Variants in CSN1S1 observed in about 807,000 individuals in gnomAD.
CSN1S1 encodes alpha-S1-casein.
A neutral mutation model predicts 49.1 loss-of-function variants in CSN1S1; 63 were observed. That is an observed-to-expected ratio of 1.28 (90% CI 1.05 to 1.58). CSN1S1 has a LOEUF of 1.58. Among genes scored for constraint, CSN1S1 ranks in the 40% most tolerant of loss-of-function variants. The pLI is 0.00. For synonymous variants in CSN1S1, 78 were observed against 67.1 expected (o/e 1.16, Z -0.79); for missense variants, 260 against 224.7 (o/e 1.16, Z -1.01).
intron 3 of CSN1S1, 60 bp downstream of exon 3, chr4:69,934,304 T>C: frequency 1.3e-6 from 2 of 1,492,094 alleles, no homozygotes; most frequent in Non-Finnish European, 1.9e-6. Context: ...AAACTCCAAA[T>C]GTGCGCTTCC....
At chr4:69,941,200 C>T (rs1296295256) in intron 12 of CSN1S1, 140 bp downstream of exon 12, 1 of 457,144 alleles carries the variant, frequency 2.2e-6, no homozygotes, top group Non-Finnish European at 3.9e-6. Context: ...CAATAATTGG[C>T]AAGTTATTTG....
chr4:69,944,626 A>G (rs1182986102), intron 14 of CSN1S1, among the ~76,000 whole-genome samples: 1 of 151,950 alleles, frequency 6.6e-6, no homozygotes, highest in African/African-American at 2.4e-5. Flanking sequence ...AAAAAAAGTG[A>G]TTTATTCATT....
At chr4:69,933,554 A>G (rs1276266429) in intron 2 of CSN1S1, among the ~76,000 whole-genome samples, 2 of 152,004 alleles carry the variant, frequency 1.3e-5, no homozygotes, top group Non-Finnish European at 2.9e-5. Context: ...TTACCAAAAC[A>G]ATGATAAAAC....
intron 12 of CSN1S1, 89 bp downstream of exon 12, chr4:69,941,149 ATTT>A: frequency 1.7e-6 from 1 of 599,730 alleles, no homozygotes; most frequent in East Asian, 3.4e-5. Context: ...TTCTAAATAT[ATTT>A]TTATTTTTCT....
chr4:69,941,018 G>A lies in CSN1S1; in HGVS notation c.301-1G>A, dbSNP rs1207375817. On this transcript the variant is annotated splice_acceptor_variant, in intron 11 of 15. Coordinates refer to ENST00000246891, the MANE Select transcript of CSN1S1 (RefSeq NM_001890.2). LOFTEE classifies it high-confidence loss of function. ...TTGAGAATATTTTTCTTTTTAAATA[G>A]GAACAGTTTTGTAGACTGAACGAAT... 1 of 1,500,192 alleles carries A rather than the reference G, an allele frequency of 6.7e-7. No homozygotes were observed. Among genetic ancestry groups the A allele is most frequent in the Non-Finnish European group, 9.1e-7 (1 of 1,099,060 alleles). 92.9% of individuals were successfully genotyped at this position (1,500,192 alleles called of 1,614,324 possible).
intron 9 of CSN1S1, among the ~76,000 whole-genome samples, chr4:69,938,967 C>T (rs1018731944): frequency 6.6e-6 from 1 of 151,410 alleles, no homozygotes; most frequent in African/African-American, 2.4e-5. Flanking sequence ...TTTTATGTTC[C>T]CAGATAAGTT....
intron 3 of CSN1S1, 84 bp from the exon 4 acceptor site, chr4:69,934,606 C>T: frequency 7.8e-7 from 1 of 1,288,798 alleles, no homozygotes. Context: ...GTTACCTCTA[C>T]CACAACTTTC....
At chr4:69,934,107 T>A in intron 2 of CSN1S1, 105 bp from the exon 3 acceptor site, 1 of 767,084 alleles carries the variant, frequency 1.3e-6, no homozygotes, top group East Asian at 3.0e-5. Context: ...ACATACCTTT[T>A]GAAAATGGCA....
intron 15 of CSN1S1, 97 bp from the exon 16 acceptor site, chr4:69,946,099 G>T: frequency 8.1e-6 from 3 of 370,852 alleles, no homozygotes; most frequent in South Asian, 8.0e-5. Context: ...TGTCTAATAC[G>T]AAGAGAAAAT....
chr4:69,939,960 A>G, intron 10 of CSN1S1, 61 bp from the exon 11 acceptor site: 1 of 988,344 alleles, frequency 1.0e-6, no homozygotes, highest in South Asian at 1.7e-5. Flanking sequence ...TTCATATTTT[A>G]ACTTTAAATG....
intron 9 of CSN1S1, 51 bp from the exon 10 acceptor site, chr4:69,939,125 C>G: frequency 7.1e-7 from 1 of 1,409,554 alleles, no homozygotes; most frequent in South Asian, 1.2e-5. Context: ...TAGTTTCCTT[C>G]AAATTCTAAA....
At chr4:69,938,830 T>G (rs1722887640) in intron 9 of CSN1S1, among the ~76,000 whole-genome samples, 2 of 151,710 alleles carry the variant, frequency 1.3e-5, no homozygotes, top group Admixed American at 6.6e-5. Flanking sequence ...GGGTTCTGGG[T>G]ACCCAGCTAA....
At chr4:69,937,022 T>C (rs1722807816) in intron 7 of CSN1S1, 99 bp from the exon 8 acceptor site, 2 of 874,914 alleles carry the variant, frequency 2.3e-6, no homozygotes, top group South Asian at 3.3e-5. Context: ...AGTTTTCTAG[T>C]AGAATTGGTA....
At chr4:69,940,209 C>A (rs1413414453) in intron 11 of CSN1S1, among the ~76,000 whole-genome samples, 165 bp downstream of exon 11, 1 of 151,144 alleles carries the variant, frequency 6.6e-6, no homozygotes, top group Non-Finnish European at 1.5e-5. Context: ...TTATCAAAGG[C>A]AAATAAATAT....
intron 14 of CSN1S1, among the ~76,000 whole-genome samples, chr4:69,943,163 A>ATATTATTAT (rs3078677): frequency 6.9e-5 from 10 of 144,868 alleles, no homozygotes; most frequent in African/African-American, 2.3e-4. Context: ...TTCCATGTGA[A>ATATTATTAT]TATTATTATT....
rs1289859164 is a variant in CSN1S1, at chr4:69,935,963, C to T, written c.129+14C>T. On this transcript the variant is annotated intron_variant, in intron 5 of 15. Coordinates refer to ENST00000246891, the MANE Select transcript of CSN1S1 (RefSeq NM_001890.2). ...GAATCAAGAGAGGTAAGAATGACTC[C>T]ACAGAATTTACCGTGCAATTAACAA... is the stretch of plus-strand genomic sequence containing the variant. The T allele has an allele frequency of 6.5e-7, 1 of 1,535,880 alleles. No homozygotes were observed. The highest frequency in any genetic ancestry group is 2.0e-5 in the Admixed American group (1 of 50,624).
At chr4:69,935,226 A>G (rs1042032175) in intron 4 of CSN1S1, among the ~76,000 whole-genome samples, 10 of 152,004 alleles carry the variant, frequency 6.6e-5, no homozygotes, top group African/African-American at 2.4e-4. Flanking sequence ...GGGAAAAATT[A>G]TTTAATTTTT....
chr4:69,945,255 GA>G (rs1465219872), intron 15 of CSN1S1, among the ~76,000 whole-genome samples: 1 of 151,920 alleles, frequency 6.6e-6, no homozygotes. Flanking sequence ...AATGAGCCTG[GA>G]AAATAACTTC....
Position 69,937,837 on chromosome 4 carries a change from A to G in CSN1S1, c.243+14A>G. ...GCAGAGCCTGAGGTAAGACCCATTC[A>G]TTCTAGTGAACTCTACACTTACGTA... is the stretch of plus-strand genomic sequence containing the variant. On this transcript the variant is annotated intron_variant, in intron 9 of 15. Coordinates refer to ENST00000246891, the MANE Select transcript of CSN1S1 (RefSeq NM_001890.2). 1 of 1,583,616 alleles carries G rather than the reference A, an allele frequency of 6.3e-7. No homozygotes were observed. Among genetic ancestry groups the G allele is most frequent in the Non-Finnish European group, 8.6e-7 (1 of 1,166,202 alleles).
Sources: allele counts gnomAD v4.1 joint callset (sites outside exome capture counted in the v4.1 genomes callset), GRCh38; gene constraint gnomAD v4.1.1; transcripts MANE v1.5; gene names NCBI Gene and HGNC (gene_info 2026-07-23, HGNC 2026-07-21).